PTN: variants seen among roughly 807,000 people sequenced by gnomAD.
The protein encoded by PTN is heparin affin regulatory protein.
Under a neutral mutation model 24.1 loss-of-function variants are expected in PTN, and 18 were observed. That is an observed-to-expected ratio of 0.75 (90% confidence interval 0.52 to 1.11). The LOEUF is 1.11. Ranked by LOEUF, PTN falls within the 50% of genes least tolerant of loss-of-function variation. The pLI is 0.00. For synonymous variants in PTN, 78 were observed against 68.6 expected (o/e 1.14, Z -0.67); for missense variants, 163 against 198.8 (o/e 0.82, Z 1.08).
intron 1 of PTN, among the ~76,000 whole-genome samples, chr7:137,333,082 C>T (rs1810385395): frequency 6.6e-6 from 1 of 152,268 alleles, no homozygotes; most frequent in Admixed American, 6.5e-5. Flanking sequence ...GATTAATGCC[C>T]TCCCTGGTGG....
rs1809310751 is a variant in PTN, at chr7:137,273,542, C to A, written c.-1-18568G>T. Among the ~76,000 whole-genome samples, 3 of 152,202 alleles carry A rather than the reference C, an allele frequency of 2.0e-5. No homozygotes were observed. The East Asian group carries it at 5.8e-4, about 29-fold the overall frequency. ...GAGGAACTACCAAATACTTATGAAA[C>A]CACTGGATACTTATGAAAACTCAAG... On this transcript the variant is annotated intron_variant, in intron 1 of 4. Coordinates refer to ENST00000348225, the MANE Select transcript of PTN (RefSeq NM_002825.7).
chr7:137,282,227 T>G (rs1164356137), intron 1 of PTN, among the ~76,000 whole-genome samples: 2 of 152,210 alleles, frequency 1.3e-5, no homozygotes, highest in African/African-American at 4.8e-5. Context: ...AGCTATCACT[T>G]TTGTTTTTAG....
At chr7:137,290,016 G>A (rs540598630) in intron 1 of PTN, among the ~76,000 whole-genome samples, 53 of 152,300 alleles carry the variant, frequency 3.5e-4, no homozygotes, top group African/African-American at 1.3e-3. Flanking sequence ...AAAACAAAGA[G>A]GTTTAATTGG....
intron 1 of PTN, among the ~76,000 whole-genome samples, chr7:137,268,355 A>G (rs1246856182): frequency 6.6e-6 from 1 of 152,124 alleles, no homozygotes; most frequent in Admixed American, 6.5e-5. Context: ...CAAGAAATGT[A>G]GCAGGACGAG....
intron 1 of PTN, among the ~76,000 whole-genome samples, chr7:137,268,182 G>A (rs536442786): frequency 2.0e-5 from 3 of 152,082 alleles, no homozygotes; most frequent in Admixed American, 6.5e-5. Flanking sequence ...CGGCTCTGGC[G>A]AGGCATCCCA....
intron 1 of PTN, among the ~76,000 whole-genome samples, chr7:137,342,994 G>A (rs1305999756): frequency 6.6e-6 from 1 of 152,128 alleles, no homozygotes; most frequent in African/African-American, 2.4e-5. Flanking sequence ...GACAGGCTCT[G>A]GGGCAATCAG....
intron 1 of PTN, among the ~76,000 whole-genome samples, chr7:137,315,136 G>A (rs78038519): frequency 0.074 from 11,221 of 152,128 alleles, 555 homozygotes; most frequent in East Asian, 0.16. Context: ...TGATGGGCTC[G>A]TTGCCAATGC....
At chr7:137,324,433 A>AATATATATATATATATATATATAT (rs71176396) in intron 1 of PTN, among the ~76,000 whole-genome samples, 7 of 88,732 alleles carry the variant, frequency 7.9e-5, no homozygotes, top group Admixed American at 6.0e-4. Context: ...AAAAAAAAAA[A>AATATATATATATATATATATATAT]ATATATATAT....
intron 1 of PTN, among the ~76,000 whole-genome samples, chr7:137,327,651 T>C (rs117407557): frequency 5.6e-4 from 85 of 152,048 alleles, no homozygotes; most frequent in Non-Finnish European, 1.2e-3. Flanking sequence ...GAAAAGAAAA[T>C]CCTATCCTTT....
chr7:137,303,953 A>C (rs1809846614), intron 1 of PTN, among the ~76,000 whole-genome samples: 1 of 152,022 alleles, frequency 6.6e-6, no homozygotes, highest in Non-Finnish European at 1.5e-5. Context: ...GTGGCACAAT[A>C]GTTTGCCACA....
At chr7:137,324,451 T>TATATATATATATATAA (rs1460014447) in intron 1 of PTN, among the ~76,000 whole-genome samples, 1 of 133,354 alleles carries the variant, frequency 7.5e-6, no homozygotes. Flanking sequence ...TATATATATA[T>TATATATATATATATAA]AAATTAACCT....
At chr7:137,302,397 C>A in intron 1 of PTN, among the ~76,000 whole-genome samples, 1 of 151,880 alleles carries the variant, frequency 6.6e-6, no homozygotes, top group Non-Finnish European at 1.5e-5. Flanking sequence ...AATGTGGTTG[C>A]TTTTAAAATA....
chr7:137,327,814 A>G (rs76745761), intron 1 of PTN, among the ~76,000 whole-genome samples: 2,742 of 152,248 alleles, frequency 0.018, 36 homozygotes, highest in Middle Eastern at 0.054. Flanking sequence ...TAAGATGCCT[A>G]CAGGCCAGGA....
chr7:137,333,790 T>G (rs544060489), intron 1 of PTN, among the ~76,000 whole-genome samples: 1 of 152,248 alleles, frequency 6.6e-6, no homozygotes, highest in Non-Finnish European at 1.5e-5. Flanking sequence ...GACTTCAAAC[T>G]ATACTACAAG....
chr7:137,336,634 A>T (rs1010627011), intron 1 of PTN, among the ~76,000 whole-genome samples: 3 of 152,194 alleles, frequency 2.0e-5, no homozygotes, highest in African/African-American at 7.2e-5. Context: ...TGGTATGAGC[A>T]TGTGGAGGGG....
chr7:137,340,165 A>T (rs1734395159), intron 1 of PTN, among the ~76,000 whole-genome samples: 1 of 152,216 alleles, frequency 6.6e-6, no homozygotes, highest in African/African-American at 2.4e-5. Context: ...TATCTCAAAC[A>T]TGAAGGAGTC....
intron 1 of PTN, among the ~76,000 whole-genome samples, chr7:137,334,908 T>C (rs1016984910): frequency 2.0e-5 from 3 of 151,182 alleles, no homozygotes; most frequent in South Asian, 4.2e-4. Flanking sequence ...ATGGATGAAA[T>C]TGGAAATCAT....
intron 1 of PTN, among the ~76,000 whole-genome samples, chr7:137,303,901 T>C (rs1385415931): frequency 6.6e-6 from 1 of 151,950 alleles, no homozygotes; most frequent in African/African-American, 2.4e-5. Context: ...TGACAATAAA[T>C]TGCATATGTT....
chr7:137,287,145 C>T (rs886660915), intron 1 of PTN, among the ~76,000 whole-genome samples: 1 of 152,200 alleles, frequency 6.6e-6, no homozygotes, highest in Non-Finnish European at 1.5e-5. Flanking sequence ...GTTTACAAAG[C>T]AGCACATTGA....
Sources: gnomAD v4.1 joint callset for allele counts (sites outside exome capture counted in the v4.1 genomes callset) on GRCh38, gnomAD v4.1.1 for gene constraint, MANE v1.5 for transcripts, NCBI Gene and HGNC (gene_info 2026-07-23, HGNC 2026-07-21) for gene names.